SVEP1: variants seen among roughly 807,000 people sequenced by gnomAD.
SVEP1 encodes sushi, von Willebrand factor type A, EGF and pentraxin domain containing 1, also known as sushi, von Willebrand factor type A, EGF and pentraxin domain-containing protein 1.
In SVEP1, 164 loss-of-function variants were observed where a neutral mutation model predicts 367.3. That is an observed-to-expected ratio of 0.45 (90% CI 0.39 to 0.51). The LOEUF (loss-of-function observed/expected upper bound fraction) is 0.51, where lower values mean the gene tolerates loss of function less well. Among genes scored for constraint, SVEP1 ranks in the 20% least tolerant of loss-of-function variants. The pLI is 0.00. For missense variants in SVEP1, 4,117 were observed against 4,425.3 expected (o/e 0.93, Z 1.98); for synonymous variants, 1,666 against 1,611.6 (o/e 1.03, Z -0.81).
intron 38 of SVEP1, among the ~76,000 whole-genome samples, chr9:110,405,386 A>G (rs1016391747): frequency 7.4e-4 from 112 of 151,188 alleles, no homozygotes; most frequent in African/African-American, 8.5e-4. Context: ...GAATACCTAC[A>G]TGGACTCAGA....
At position 110,429,903 on chromosome 9, in the gene SVEP1, T is replaced by A; in HGVS notation, c.5615+17A>T. On this transcript the variant is annotated intron_variant, in intron 34 of 47. Coordinates refer to ENST00000374469, the MANE Select transcript of SVEP1 (RefSeq NM_153366.4). ...ATCAACATCTTCTACAATATAGTTT[T>A]AATCTTAGATACTTACCTATATGTC... The A allele has an allele frequency of 3.7e-6, 6 of 1,604,750 alleles. No individual in the cohort carries two copies. Among genetic ancestry groups the A allele is most frequent in the Non-Finnish European group, 5.1e-6 (6 of 1,173,142 alleles).
chr9:110,393,156 A>ATAAT (rs1827693360), intron 40 of SVEP1, among the ~76,000 whole-genome samples: 1 of 152,316 alleles, frequency 6.6e-6, no homozygotes, highest in African/African-American at 2.4e-5. Flanking sequence ...ACATTTGTTC[A>ATAAT]TAATTTTATA....
chr9:110,512,173 A>G (rs1487296944), intron 5 of SVEP1, among the ~76,000 whole-genome samples: 1 of 152,174 alleles, frequency 6.6e-6, no homozygotes, highest in East Asian at 1.9e-4. Context: ...CAGGTACTGT[A>G]CTGAGAAGCT....
At chr9:110,560,824 C>G (rs1830418213) in intron 1 of SVEP1, among the ~76,000 whole-genome samples, 1 of 152,136 alleles carries the variant, frequency 6.6e-6, no homozygotes, top group Non-Finnish European at 1.5e-5. Flanking sequence ...TCTAATCGCC[C>G]CAGCCATGGT....
intron 9 of SVEP1, among the ~76,000 whole-genome samples, chr9:110,487,881 C>T (rs1159923031): frequency 2.0e-5 from 3 of 152,132 alleles, no homozygotes; most frequent in Non-Finnish European, 4.4e-5. Context: ...TGGAGATGAA[C>T]ATGAACCCAA....
intron 1 of SVEP1, among the ~76,000 whole-genome samples, chr9:110,557,155 T>C (rs1425285092): frequency 6.6e-6 from 1 of 152,244 alleles, no homozygotes; most frequent in Non-Finnish European, 1.5e-5. Context: ...AAGAATCTAT[T>C]CTGTTCATTG....
chr9:110,382,056 T>TG (rs1317148040), intron 43 of SVEP1, among the ~76,000 whole-genome samples: 1 of 152,134 alleles, frequency 6.6e-6, no homozygotes, highest in Admixed American at 6.5e-5. Flanking sequence ...GTCTTTTAAG[T>TG]GGGGCATTTA....
rs576694992 is a variant in SVEP1, at chr9:110,372,017, A to T, written c.10601-2001T>A. On this transcript the variant is annotated intron_variant, in intron 46 of 47. Transcript: ENST00000374469. ...CATAATTTAGCATCTTGCACTTCGC[A>T]TGTGATGTGTTTCCTGATCGGATGC... Among the ~76,000 whole-genome samples the T allele has an allele frequency of 2.6e-5, 4 of 152,182 alleles. No homozygotes were observed. In the South Asian group the frequency reaches 8.3e-4, roughly 32 times the overall value.
chr9:110,437,895 C>T lies in SVEP1; in HGVS notation c.4640-1391G>A, dbSNP rs549909831. 2.0e-4 allele frequency among the ~76,000 whole-genome samples: 31 copies of T among 152,078 alleles called. No individual in the cohort carries two copies. In the East Asian group the frequency reaches 3.7e-3, roughly 18 times the overall value. ...CCCTCCTTCATGATTTCCCAATCTA[C>T]GTGTTTTTAAATTGTATTAATAATT... On this transcript the variant is annotated intron_variant, in intron 27 of 47. Coordinates refer to ENST00000374469, the MANE Select transcript of SVEP1 (RefSeq NM_153366.4).
intron 18 of SVEP1, among the ~76,000 whole-genome samples, chr9:110,463,642 G>T (rs936955062): frequency 3.4e-5 from 5 of 148,546 alleles, no homozygotes; most frequent in Non-Finnish European, 7.5e-5. Flanking sequence ...GAAAAAGAAA[G>T]AAAGAAAGGC....
chr9:110,578,366 G>GTT (rs111330749), intron 1 of SVEP1, among the ~76,000 whole-genome samples: 24 of 122,488 alleles, frequency 2.0e-4, no homozygotes, highest in East Asian at 3.6e-4. Flanking sequence ...GAAATTTTAG[G>GTT]GTTTTTTTTT....
Position 110,411,266 on chromosome 9 carries a change from G to A in SVEP1, c.6445C>T (p.Pro2149Ser), listed in dbSNP as rs1415158555. 1 of 1,614,016 alleles carries A rather than the reference G, an allele frequency of 6.2e-7. No individual in the cohort carries two copies. The highest frequency in any genetic ancestry group is 1.7e-5 in the Admixed American group (1 of 60,012). ...IQCIPVRCGE[P>S]PSIMNGYASG... Reference sequence around the variant, plus strand: ...GCATAGCCATTCATGATGCTTGGTGGCTCTCCACACCGCACAGGGATGCAC... The same window carrying A: ...GCATAGCCATTCATGATGCTTGGTGACTCTCCACACCGCACAGGGATGCAC... The change falls in exon 37 of 48, where the codon CCA (proline) becomes TCA (serine). Residue 2149 changes from proline (P) to serine (S), a missense_variant. By Grantham distance (74) the Pro-to-Ser change is moderately conservative (BLOSUM62 -1). This residue lies in a region of SVEP1 where 1,765 missense variants were observed against 1,781.1 expected (regional missense o/e 0.99). Coordinates refer to ENST00000374469, the MANE Select transcript of SVEP1 (RefSeq NM_153366.4).
At position 110,407,109 on chromosome 9, in the gene SVEP1, C is replaced by T. The variant is rs1481493638; in HGVS notation, c.8491G>A (p.Val2831Met). 3.1e-6 allele frequency: 5 copies of T among 1,613,896 alleles called. No homozygotes were observed. The highest frequency in any genetic ancestry group is 4.2e-6 in the Non-Finnish European group (5 of 1,179,896). The change falls in exon 38 of 48, where the codon GTG (valine) becomes ATG (methionine). Residue 2831 changes from valine to methionine, a missense_variant. Physicochemically the swap from Val to Met is conservative, Grantham distance 21. Coordinates refer to ENST00000374469, the MANE Select transcript of SVEP1 (RefSeq NM_153366.4). ...WDEDEPICIP[V>M]DCSSPPVSAN... Reference sequence around the variant, plus strand: ...GAGACTGGGGGTGAACTGCAGTCCACAGGAATGCAAATGGGCTCATCCTCA... The same window carrying T: ...GAGACTGGGGGTGAACTGCAGTCCATAGGAATGCAAATGGGCTCATCCTCA...
At chr9:110,416,014 G>A (rs1828115327) in intron 36 of SVEP1, among the ~76,000 whole-genome samples, 2 of 151,868 alleles carry the variant, frequency 1.3e-5, no homozygotes, top group Non-Finnish European at 2.9e-5. Flanking sequence ...TGTAAAATTA[G>A]GTTCTTGGCT....
At chr9:110,501,076 T>C (rs2118750137) in intron 6 of SVEP1, among the ~76,000 whole-genome samples, 1 of 148,234 alleles carries the variant, frequency 6.7e-6, no homozygotes, top group Non-Finnish European at 1.5e-5. Context: ...AACATAAATA[T>C]ATGTACTATA....
chr9:110,459,936 G>A (rs1035682017), intron 18 of SVEP1, among the ~76,000 whole-genome samples: 7 of 151,938 alleles, frequency 4.6e-5, no homozygotes, highest in Non-Finnish European at 1.0e-4. Flanking sequence ...TATATATTAA[G>A]AATATGAATC....
intron 1 of SVEP1, among the ~76,000 whole-genome samples, chr9:110,574,770 G>GA (rs1321633302): frequency 0.013 from 1,256 of 99,814 alleles, 24 homozygotes; most frequent in African/African-American, 0.04. Flanking sequence ...TTTTTTTGAG[G>GA]AGTCTCACTC....
chr9:110,528,156 G>GTGTGTTTATATATATATA, intron 3 of SVEP1, among the ~76,000 whole-genome samples: 1 of 33,940 alleles, frequency 2.9e-5, no homozygotes, highest in Non-Finnish European at 5.7e-5. Flanking sequence ...GTGTGTGTGT[G>GTGTGTTTATATATATATA]TATATATATA....
intron 47 of SVEP1, 60 bp downstream of exon 47, chr9:110,369,863 A>T (rs1364501710): frequency 7.0e-7 from 1 of 1,433,398 alleles, no homozygotes. Flanking sequence ...TCTTAGGACA[A>T]TTTACTTGAA....
Sources: gnomAD v4.1 joint callset for allele counts (sites outside exome capture counted in the v4.1 genomes callset) on GRCh38, gnomAD v4.1.1 for gene constraint, gnomAD v4.1.1 regional missense constraint, MANE v1.5 for transcripts, NCBI Gene and HGNC (gene_info 2026-07-23, HGNC 2026-07-21) for gene names.